CRACDL: variants seen among roughly 807,000 people sequenced by gnomAD.
CRACDL encodes CRACD like.
In CRACDL, 26 loss-of-function variants were observed where a neutral mutation model predicts 70.6. The observed-to-expected ratio is 0.37, with a 90% CI of 0.27 to 0.51. The LOEUF (loss-of-function observed/expected upper bound fraction) is 0.51, where lower values mean the gene tolerates loss of function less well. CRACDL is among the 20% of genes least tolerant of loss of function. The pLI, the probability that CRACDL is intolerant of heterozygous loss-of-function variation, is 0.94. For missense variants in CRACDL, 1,283 were observed against 1,376.9 expected, an observed-to-expected ratio of 0.93 and a Z score of 1.08; for synonymous variants, 618 against 615.2, an observed-to-expected ratio of 1.00 and a Z score of -0.07.
chr2:98,913,667 T>G (rs1228717483), intron 1 of CRACDL, among the ~76,000 whole-genome samples: 1 of 152,188 alleles, frequency 6.6e-6, no homozygotes, highest in Non-Finnish European at 1.5e-5. Flanking sequence ...TCTGGGCATC[T>G]GAGGAGTCAC....
chr2:98,873,668 T>C (rs1218912709), intron 1 of CRACDL, among the ~76,000 whole-genome samples: 1 of 152,238 alleles, frequency 6.6e-6, no homozygotes, highest in African/African-American at 2.4e-5. Flanking sequence ...CATTACAACG[T>C]GCTTTTCCTC....
chr2:98,847,550 A>G (rs1479707198), intron 1 of CRACDL, among the ~76,000 whole-genome samples: 3 of 152,190 alleles, frequency 2.0e-5, no homozygotes, highest in African/African-American at 7.2e-5. Context: ...AGACATGATG[A>G]TCATTTAATC....
intron 1 of CRACDL, among the ~76,000 whole-genome samples, chr2:98,905,075 C>T (rs1004755526): frequency 1.2e-4 from 18 of 151,872 alleles, no homozygotes; most frequent in African/African-American, 4.4e-4. Context: ...ACAGTGAAAC[C>T]CCGTCTCTAC....
intron 7 of CRACDL, among the ~76,000 whole-genome samples, chr2:98,819,821 T>C (rs554554890): frequency 7.0e-6 from 1 of 142,220 alleles, no homozygotes; most frequent in African/African-American, 2.6e-5. Context: ...CATTCTTTTT[T>C]TTTTTTTTTT....
At chr2:98,860,501 G>A (rs1445004138) in intron 1 of CRACDL, among the ~76,000 whole-genome samples, 1 of 152,102 alleles carries the variant, frequency 6.6e-6, no homozygotes, top group Non-Finnish European at 1.5e-5. Flanking sequence ...TTTCAATGAG[G>A]GTGTCAAGAC....
At chr2:98,798,972 C>T (rs1250791818) in intron 7 of CRACDL, among the ~76,000 whole-genome samples, 2 of 152,210 alleles carry the variant, frequency 1.3e-5, no homozygotes, top group Non-Finnish European at 2.9e-5. Context: ...GCGTGAGCCA[C>T]CTCCCCTGGC....
chr2:98,845,154 T>A (rs1008314299), intron 2 of CRACDL, among the ~76,000 whole-genome samples: 9 of 152,104 alleles, frequency 5.9e-5, no homozygotes, highest in African/African-American at 2.2e-4. Flanking sequence ...TATACTCTGT[T>A]GTCTCTCCAG....
intron 1 of CRACDL, among the ~76,000 whole-genome samples, chr2:98,901,516 C>T (rs1878589): frequency 0.33 from 50,821 of 152,106 alleles, 8,699 homozygotes; most frequent in Admixed American, 0.38. Flanking sequence ...AACCAACAAG[C>T]AAACTGGGGG....
At chr2:98,804,443 C>A (rs1704205967) in intron 7 of CRACDL, among the ~76,000 whole-genome samples, 1 of 152,222 alleles carries the variant, frequency 6.6e-6, no homozygotes, top group African/African-American at 2.4e-5. Context: ...ACGTGCAGGG[C>A]AGCAAAACAT....
chr2:98,877,298 A>T (rs1009929279), intron 1 of CRACDL, among the ~76,000 whole-genome samples: 4 of 152,198 alleles, frequency 2.6e-5, no homozygotes, highest in African/African-American at 9.7e-5. Context: ...TTGGGCTCCG[A>T]TATCTAACAT....
rs1366949263 is a variant in CRACDL at position 98,822,255 on chromosome 2, G to A, written c.2018C>T (p.Pro673Leu). 3.8e-6 allele frequency: 6 copies of A among 1,594,928 alleles called. No individual in the cohort carries two copies. In the East Asian group the frequency reaches 1.1e-4, roughly 30 times the overall value. ...GGGGTTTCTGTCCTCACTCGGGGCC[G>A]GCTCCTGGGCGGCTGGGCAGGGCTC... ...TREPCPAAQE[P>L]APSEDRNPFP... The change falls in exon 7 of 10, where the codon CCG becomes CTG. Residue 673 changes from proline to leucine, a missense_variant. Around this residue, in one of 2 missense-constraint regions of CRACDL, gnomAD observed 921 missense variants for 881.9 expected, o/e 1.04. Coordinates refer to ENST00000397899, the MANE Select transcript of CRACDL (RefSeq NM_207362.3). The surrounding 1 kb of genome is among the most constrained non-coding windows in gnomAD (Gnocchi z 4.9).
intron 1 of CRACDL, among the ~76,000 whole-genome samples, chr2:98,881,593 G>A (rs1375775308): frequency 6.6e-6 from 1 of 152,180 alleles, no homozygotes; most frequent in Non-Finnish European, 1.5e-5. Context: ...CGGTTCTAGA[G>A]GTGTATCAAC....
At chr2:98,897,464 G>A in intron 1 of CRACDL, 1 of 1,123,044 alleles carries the variant, frequency 8.9e-7, no homozygotes, top group Non-Finnish European at 1.2e-6. Flanking sequence ...GGAGTATGCA[G>A]AAAATCAGTG....
In CRACDL at chr2:98,839,518, C is replaced by T. The variant is rs559181046; in HGVS notation, c.71-1231G>A. On this transcript the variant is annotated intron_variant, in intron 2 of 9. Transcript: ENST00000397899. ...GCATCCTCGAAGGCCTGAATAGATA[C>T]ACAGCCTCAATATCATGACCATCAA... Among the ~76,000 whole-genome samples, 4 of 152,352 alleles carry T rather than the reference C, an allele frequency of 2.6e-5. No individual in the cohort carries two copies. The South Asian group carries it at 8.3e-4, about 32-fold the overall frequency.
intron 1 of CRACDL, among the ~76,000 whole-genome samples, chr2:98,904,290 C>T (rs1389695416): frequency 6.6e-6 from 1 of 152,212 alleles, no homozygotes; most frequent in Non-Finnish European, 1.5e-5. Flanking sequence ...CTCCCCACTG[C>T]AGTTACTACA....
Position 98,821,996 on chromosome 2 carries a change from C to T in CRACDL, c.2277G>A (p.Lys759=), listed in dbSNP as rs1209133033. Residue 759 remains lysine, a synonymous_variant, in exon 7 of 10, where the codon AAG becomes AAA. Coordinates refer to ENST00000397899, the MANE Select transcript of CRACDL (RefSeq NM_207362.3). ...KARPPEPLSS[K]PPLPRKPLLQ... ...GAAGCGGCTTCCGGGGCAGGGGCGG[C>T]TTGGAGCTGAGCGGCTCGGGGGGCC... 6.5e-7 allele frequency: 1 copy of T among 1,534,850 alleles called. No homozygotes were observed. The highest frequency in any genetic ancestry group is 8.8e-7 in the Non-Finnish European group (1 of 1,140,810).
chr2:98,800,556 T>A (rs1168866814), intron 7 of CRACDL, among the ~76,000 whole-genome samples: 2 of 152,038 alleles, frequency 1.3e-5, no homozygotes, highest in Non-Finnish European at 2.9e-5. Flanking sequence ...AGGGCTTGGA[T>A]ATCTTGTTCT....
chr2:98,875,364 C>G (rs1707458067), intron 1 of CRACDL, among the ~76,000 whole-genome samples: 1 of 152,246 alleles, frequency 6.6e-6, no homozygotes, highest in Non-Finnish European at 1.5e-5. Context: ...TGCTTCTTCA[C>G]ACAAGACAGG....
intron 1 of CRACDL, among the ~76,000 whole-genome samples, chr2:98,910,151 G>A (rs1214798704): frequency 6.6e-6 from 1 of 152,144 alleles, no homozygotes; most frequent in Non-Finnish European, 1.5e-5. Flanking sequence ...GGGGCTGTGA[G>A]CTGGGATGCA....
Sources: gnomAD v4.1 joint callset for allele counts (sites outside exome capture counted in the v4.1 genomes callset) on GRCh38, gnomAD v4.1.1 for gene constraint, gnomAD v4.1.1 regional missense constraint, Gnocchi (gnomAD v3.1) non-coding constraint, MANE v1.5 for transcripts, NCBI Gene and HGNC (gene_info 2026-07-23, HGNC 2026-07-21) for gene names.